Variants in STXBP5L observed in about 807,000 individuals in gnomAD.
STXBP5L encodes the protein syntaxin binding protein 5L.
In STXBP5L, 65 loss-of-function variants were observed where a neutral mutation model predicts 144.5. The observed-to-expected ratio is 0.45, with a 90% CI of 0.37 to 0.55. STXBP5L has a LOEUF of 0.55. Ranked by LOEUF, STXBP5L falls within the 20% of genes least tolerant of loss-of-function variation. STXBP5L has a pLI of 0.00. For synonymous variants in STXBP5L, 505 were observed against 469.6 expected (o/e 1.08, Z -0.97); for missense variants, 1,298 against 1,405.5 (o/e 0.92, Z 1.22).
chr3:121,348,319 G>A (rs1454984690), intron 20 of STXBP5L, among the ~76,000 whole-genome samples: 3 of 152,142 alleles, frequency 2.0e-5, no homozygotes, highest in Non-Finnish European at 2.9e-5. Flanking sequence ...ACTTGACCAT[G>A]GTGGATAAGG....
intron 20 of STXBP5L, among the ~76,000 whole-genome samples, chr3:121,344,194 A>T (rs976807720): frequency 6.6e-6 from 1 of 152,132 alleles, no homozygotes; most frequent in Non-Finnish European, 1.5e-5. Context: ...CTGGCTAGCC[A>T]TATGTAGAAA....
At position 121,223,042 on chromosome 3, in the gene STXBP5L, CA is replaced by C. The variant is rs754856774; in HGVS notation, c.999del (p.Ala334LeufsTer7). ...TATTCTCTGGTGGGCTGTCCTATGA[CA>C]AAGCTTGTAGAAGACCAAGTTTAAC... The part of the protein sequence containing the change: ...IIFSGGLSYD[K>X]ACRRPSLTIM... On this transcript the variant is annotated frameshift_variant, in exon 11 of 27. Coordinates refer to ENST00000471454, the MANE Select transcript of STXBP5L (RefSeq NM_001308330.2). LOFTEE classifies it high-confidence loss of function. 1 of 1,612,244 alleles carries C rather than the reference CA, an allele frequency of 6.2e-7. No homozygotes were observed. Among genetic ancestry groups the C allele is most frequent in the Non-Finnish European group, 8.5e-7 (1 of 1,179,324 alleles).
At chr3:121,007,508 G>T (rs1247838780) in intron 3 of STXBP5L, among the ~76,000 whole-genome samples, 3 of 151,824 alleles carry the variant, frequency 2.0e-5, no homozygotes, top group East Asian at 1.9e-4. Context: ...AACCATTTGG[G>T]TATGAATTTT....
intron 3 of STXBP5L, among the ~76,000 whole-genome samples, chr3:121,013,925 T>C (rs1242157076): frequency 6.6e-6 from 1 of 152,046 alleles, no homozygotes; most frequent in Non-Finnish European, 1.5e-5. Flanking sequence ...TTTTGTCAAC[T>C]TTGTCAAAGA....
intron 3 of STXBP5L, among the ~76,000 whole-genome samples, chr3:121,033,271 G>A (rs1413727941): frequency 1.5e-5 from 2 of 129,068 alleles, no homozygotes; most frequent in African/African-American, 6.0e-5. Flanking sequence ...GTCCTTTGTA[G>A]GGACATGGAT....
At chr3:121,039,590 G>A (rs951781513) in intron 3 of STXBP5L, among the ~76,000 whole-genome samples, 8 of 151,428 alleles carry the variant, frequency 5.3e-5, no homozygotes, top group African/African-American at 9.7e-5. Context: ...CCTTTTGCCT[G>A]AAGACCCTCT....
At position 121,420,342 on chromosome 3, in the gene STXBP5L, T is replaced by C. The variant is rs1436275014; in HGVS notation, c.*1245T>C. On this transcript the variant is annotated 3_prime_UTR_variant, in exon 27 of 27. Transcript: ENST00000471454. ...CTGTTTGCTATCTTGGTCTCAGTCA[T>C]CATTATAGACAATAGAAATACATAA... 6.6e-6 allele frequency: 1 copy of C among 152,192 alleles called. No individual in the cohort carries two copies. The highest frequency in any genetic ancestry group is 1.5e-5 in the Non-Finnish European group (1 of 68,030). 9.4% of individuals were successfully genotyped at this position (152,192 alleles called of 1,614,324 possible).
chr3:121,091,606 G>GC (rs1035839265), intron 5 of STXBP5L, among the ~76,000 whole-genome samples: 1 of 152,112 alleles, frequency 6.6e-6, no homozygotes, highest in Non-Finnish European at 1.5e-5. Context: ...CATGTCCTTC[G>GC]CCCACTTTTT....
intron 7 of STXBP5L, among the ~76,000 whole-genome samples, chr3:121,131,518 C>G (rs1248708964): frequency 6.6e-6 from 1 of 152,024 alleles, no homozygotes; most frequent in South Asian, 2.1e-4. Flanking sequence ...ATATGGCCTG[C>G]CTGTTATTAT....
At chr3:121,011,741 A>G (rs781016142) in intron 3 of STXBP5L, among the ~76,000 whole-genome samples, 1 of 151,342 alleles carries the variant, frequency 6.6e-6, no homozygotes. Context: ...AAAGCTGGAC[A>G]CTTATAATGA....
intron 3 of STXBP5L, among the ~76,000 whole-genome samples, chr3:121,016,637 T>A (rs1945165462): frequency 6.6e-6 from 1 of 152,112 alleles, no homozygotes; most frequent in African/African-American, 2.4e-5. Context: ...AGGTGTAACA[T>A]AGATGTGCGT....
At chr3:121,050,375 CA>C in intron 5 of STXBP5L, among the ~76,000 whole-genome samples, 1 of 152,094 alleles carries the variant, frequency 6.6e-6, no homozygotes, top group Admixed American at 6.6e-5. Context: ...TCAAGGATAT[CA>C]AAAAACTTTA....
intron 5 of STXBP5L, among the ~76,000 whole-genome samples, chr3:121,107,716 A>T (rs1444370583): frequency 1.3e-5 from 2 of 149,754 alleles, no homozygotes; most frequent in Admixed American, 1.4e-4. Flanking sequence ...GCTCCATATG[A>T]ATTTTAAAGT....
At chr3:121,324,712 G>A in intron 20 of STXBP5L, 2 of 530,628 alleles carry the variant, frequency 3.8e-6, no homozygotes, top group South Asian at 2.8e-5. Flanking sequence ...CCTTCATGGT[G>A]TATGAAAACA....
chr3:121,334,695 T>C (rs2044443929), intron 20 of STXBP5L, among the ~76,000 whole-genome samples: 1 of 152,146 alleles, frequency 6.6e-6, no homozygotes, highest in African/African-American at 2.4e-5. Context: ...CATATGCAAA[T>C]CAATAAATGT....
At chr3:120,985,299 C>T (rs1328741369) in intron 3 of STXBP5L, among the ~76,000 whole-genome samples, 2 of 151,928 alleles carry the variant, frequency 1.3e-5, no homozygotes, top group African/African-American at 4.8e-5. Flanking sequence ...TTTTCTTTGT[C>T]AGGAGATGTC....
At chr3:121,340,396 A>G (rs180700329) in intron 20 of STXBP5L, among the ~76,000 whole-genome samples, 107 of 152,178 alleles carry the variant, frequency 7.0e-4, no homozygotes, top group Non-Finnish European at 1.0e-3. Flanking sequence ...TTTGTTCCAT[A>G]GGTATACATG....
chr3:121,181,293 G>T (rs1242792639), intron 9 of STXBP5L, among the ~76,000 whole-genome samples: 2 of 151,940 alleles, frequency 1.3e-5, no homozygotes, highest in African/African-American at 4.8e-5. Context: ...TCCAGCCTGG[G>T]CAACAAGAGT....
intron 23 of STXBP5L, among the ~76,000 whole-genome samples, chr3:121,408,512 A>C (rs2047045453): frequency 6.6e-6 from 1 of 151,930 alleles, no homozygotes; most frequent in African/African-American, 2.4e-5. Context: ...GAAATATGGG[A>C]TTGAATTTTC....
Sources: allele counts gnomAD v4.1 joint callset (sites outside exome capture counted in the v4.1 genomes callset), GRCh38; gene constraint gnomAD v4.1.1; transcripts MANE v1.5; gene names NCBI Gene and HGNC (gene_info 2026-07-23, HGNC 2026-07-21).